The following FOXP2 variants were observed in gnomAD, a reference collection of about 807,000 sequenced individuals.
FOXP2 encodes the protein forkhead box P2.
In FOXP2, 12 loss-of-function variants were observed where a neutral mutation model predicts 115.8. That is an observed-to-expected ratio of 0.10 (90% CI 0.07 to 0.17). The LOEUF (loss-of-function observed/expected upper bound fraction) is 0.17. Ranked by LOEUF, FOXP2 falls within the 10% of genes least tolerant of loss-of-function variation. The pLI is 1.00. For synonymous variants in FOXP2, 328 were observed against 297.7 expected (o/e 1.10, Z -1.05); for missense variants, 629 against 843.5 (o/e 0.75, Z 3.15).
chr7:114,376,803 G>A (rs1009699327), intron 2 of FOXP2, among the ~76,000 whole-genome samples: 3 of 151,802 alleles, frequency 2.0e-5, no homozygotes, highest in Non-Finnish European at 1.5e-5. Context: ...TTAGAAAACT[G>A]TCAAAAGGCT....
intron 3 of FOXP2, among the ~76,000 whole-genome samples, chr7:114,595,346 G>A (rs1257070341): frequency 6.6e-6 from 1 of 151,934 alleles, no homozygotes; most frequent in Admixed American, 6.6e-5. Flanking sequence ...AGAAACAGAA[G>A]GGTATTAAAC....
rs897636758 is a variant in FOXP2 at position 114,663,416 on chromosome 7, C to A, written c.1770-34C>A. 2.9e-6 allele frequency: 4 copies of A among 1,393,416 alleles called. No individual in the cohort carries two copies. The Admixed American group carries it at 5.1e-5, about 18-fold the overall frequency. 86.3% of individuals were successfully genotyped at this position (1,393,416 alleles called of 1,614,324 possible). A position where few individuals can be genotyped will look rare whatever the true frequency, so the allele number is the denominator to read the frequency against. ...TTGATATCCACGTTTTATATTTTGA[C>A]GTATAAATGATCTTTATATATTTTT... is the stretch of plus-strand genomic sequence containing the variant. On this transcript the variant is annotated intron_variant, in intron 14 of 16. Transcript: ENST00000350908.
At chr7:114,325,226 A>T (rs569690718) in intron 2 of FOXP2, among the ~76,000 whole-genome samples, 2 of 151,944 alleles carry the variant, frequency 1.3e-5, no homozygotes, top group East Asian at 3.9e-4. Context: ...TGGGGAAGTT[A>T]GTTGTCTCTG....
chr7:114,649,342 G>A (rs755497506), intron 8 of FOXP2, among the ~76,000 whole-genome samples: 12 of 152,012 alleles, frequency 7.9e-5, no homozygotes, highest in African/African-American at 2.2e-4. Context: ...AAGGGTATTT[G>A]CAACATTAGT....
At chr7:114,120,753 C>T (rs186881457) in intron 1 of FOXP2, among the ~76,000 whole-genome samples, 4 of 151,584 alleles carry the variant, frequency 2.6e-5, no homozygotes, top group East Asian at 3.9e-4. Flanking sequence ...TAGTCCTGAC[C>T]GCAGTTATAT....
At position 114,690,511 on chromosome 7, in the gene FOXP2, T is replaced by C. The variant is rs1195054117; in HGVS notation, c.*585T>C. On this transcript the variant is annotated 3_prime_UTR_variant, in exon 17 of 17. Transcript: ENST00000350908. ...TTATGTTGGTGCCACCAACTGTAAATGACATAAGTTAGTTATTACAAAACA... is the reference window on the plus strand; with the variant it reads ...TTATGTTGGTGCCACCAACTGTAAACGACATAAGTTAGTTATTACAAAACA... The C allele has an allele frequency of 6.6e-6, 3 of 453,912 alleles. No individual in the cohort carries two copies. Among genetic ancestry groups the C allele is most frequent in the Admixed American group, 2.4e-5 (1 of 42,520 alleles). 28.1% of individuals were successfully genotyped at this position (453,912 alleles called of 1,614,324 possible).
rs533558021 is a variant in FOXP2, at chr7:114,693,633, T to C, written c.*3707T>C. 5 of 446,020 alleles carry C rather than the reference T, an allele frequency of 1.1e-5. No homozygotes were observed. The highest frequency in any genetic ancestry group is 8.0e-5 in the South Asian group (5 of 62,306). The allele number at this position is 446,020 out of a possible 1,614,324, so 27.6% of individuals were successfully genotyped here. A position where few individuals can be genotyped will look rare whatever the true frequency, so the allele number is the denominator to read the frequency against. On this transcript the variant is annotated 3_prime_UTR_variant, in exon 17 of 17. Coordinates refer to ENST00000350908, the MANE Select transcript of FOXP2 (RefSeq NM_014491.4). ...TCTTACTTAGCAAAAAAGAAGGATGTACATTTTACTATAGAATTAATGTAT... is the reference window on the plus strand; with the variant it reads ...TCTTACTTAGCAAAAAAGAAGGATGCACATTTTACTATAGAATTAATGTAT...
chr7:114,682,718 C>G lies in FOXP2; in HGVS notation c.2004-7064C>G, dbSNP rs554510667. 2.0e-5 allele frequency among the ~76,000 whole-genome samples: 3 copies of G among 152,252 alleles called. No homozygotes were observed. The East Asian group carries it at 5.8e-4, about 29-fold the overall frequency. On this transcript the variant is annotated intron_variant, in intron 16 of 16. Coordinates refer to ENST00000350908, the MANE Select transcript of FOXP2 (RefSeq NM_014491.4). ...AGAGACTAATTCTCTATTCATCCTG[C>G]AACCCACAAAAGGCATGTGACTTCA...
chr7:114,545,842 A>C (rs1799896020), intron 3 of FOXP2, among the ~76,000 whole-genome samples: 1 of 152,146 alleles, frequency 6.6e-6, no homozygotes, highest in African/African-American at 2.4e-5. Context: ...TGTGTCAACT[A>C]CTTGGTGAAG....
chr7:114,173,284 A>G (rs1008044232), intron 1 of FOXP2, among the ~76,000 whole-genome samples: 2 of 151,884 alleles, frequency 1.3e-5, no homozygotes. Context: ...TTGACGTGAA[A>G]TTTTAAAATA....
At chr7:114,505,692 A>G (rs994541110) in intron 2 of FOXP2, among the ~76,000 whole-genome samples, 2 of 151,560 alleles carry the variant, frequency 1.3e-5, no homozygotes, top group Admixed American at 6.6e-5. Context: ...CATTTTTAAA[A>G]CCACGTCATA....
At chr7:114,212,124 T>TAAAATAA (rs1554431719) in intron 1 of FOXP2, among the ~76,000 whole-genome samples, 1 of 143,084 alleles carries the variant, frequency 7.0e-6, no homozygotes, top group Admixed American at 7.2e-5. Context: ...TAAAATAAAA[T>TAAAATAA]ATATATATAT....
At chr7:114,140,837 C>T (rs1476969071) in intron 1 of FOXP2, among the ~76,000 whole-genome samples, 2 of 152,206 alleles carry the variant, frequency 1.3e-5, no homozygotes, top group Non-Finnish European at 1.5e-5. Context: ...CCTGGCACAC[C>T]TATTACTTAC....
intron 2 of FOXP2, among the ~76,000 whole-genome samples, chr7:114,364,904 G>A (rs1203751450): frequency 1.3e-5 from 2 of 152,096 alleles, no homozygotes; most frequent in Non-Finnish European, 2.9e-5. Context: ...ATTTAGTATT[G>A]TCTTGATATT....
At chr7:114,492,896 G>A (rs1481187920) in intron 2 of FOXP2, among the ~76,000 whole-genome samples, 1 of 152,160 alleles carries the variant, frequency 6.6e-6, no homozygotes, top group African/African-American at 2.4e-5. Context: ...CTGTTGATTT[G>A]GGGTGGAGAG....
At chr7:114,318,379 GTTT>G (rs201941261) in intron 2 of FOXP2, among the ~76,000 whole-genome samples, 16,340 of 116,792 alleles carry the variant, frequency 0.14, 1,216 homozygotes, top group African/African-American at 0.25. Context: ...GTCTCTCTTT[GTTT>G]TTTTTTTTTT....
intron 3 of FOXP2, chr7:114,613,829 G>T (rs1165438617): frequency 6.6e-6 from 1 of 151,622 alleles, no homozygotes; most frequent in Non-Finnish European, 1.5e-5. Context: ...CCCGTACCAA[G>T]TAGTTACCAG....
chr7:114,454,946 C>G (rs1795238017), intron 2 of FOXP2, among the ~76,000 whole-genome samples: 2 of 143,884 alleles, frequency 1.4e-5, no homozygotes, highest in South Asian at 4.7e-4. Context: ...GTGCAGCGCA[C>G]CAGCATGGCA....
chr7:114,359,570 C>T (rs933770662), intron 2 of FOXP2, among the ~76,000 whole-genome samples: 1 of 152,222 alleles, frequency 6.6e-6, no homozygotes, highest in Non-Finnish European at 1.5e-5. Flanking sequence ...GGGGCTGTAT[C>T]CAGCAAAGCC....
Sources: allele counts gnomAD v4.1 joint callset (sites outside exome capture counted in the v4.1 genomes callset), GRCh38; gene constraint gnomAD v4.1.1; transcripts MANE v1.5; gene names NCBI Gene and HGNC (gene_info 2026-07-23, HGNC 2026-07-21).